Variants in GRID2 observed in about 807,000 individuals in gnomAD.
GRID2 encodes glutamate ionotropic receptor delta type subunit 2, also known as glutamate receptor ionotropic, delta-2.
In GRID2, 33 loss-of-function variants were observed where a neutral mutation model predicts 114.8. The observed-to-expected ratio is 0.29, with a 90% CI of 0.22 to 0.38. GRID2 has a LOEUF of 0.38. Among genes scored for constraint, GRID2 ranks in the 10% least tolerant of loss-of-function variants. GRID2 has a pLI of 1.00. For synonymous variants in GRID2, 505 were observed against 449.9 expected (o/e 1.12, Z -1.55); for missense variants, 1,184 against 1,257.7 (o/e 0.94, Z 0.89).
rs10022405 is a variant in GRID2 at position 93,802,943 on chromosome 4, G to T, written c.222-3772G>T. Among the ~76,000 whole-genome samples, 4 of 152,114 alleles carry T rather than the reference G, an allele frequency of 2.6e-5. No homozygotes were observed. The East Asian group carries it at 7.7e-4, about 29-fold the overall frequency. ...TGATAAACCCCTTGTGCAAAAGATC[G>T]TAAGCGCATTTAGGTGACTGTGTCA... On this transcript the variant is annotated intron_variant, in intron 1 of 1. Transcript: ENST00000637838.
Position 93,110,834 on chromosome 4 carries a change from A to G in GRID2, c.616A>G (p.Lys206Glu). The G allele has an allele frequency of 6.2e-7, 1 of 1,611,472 alleles. No individual in the cohort carries two copies. The highest frequency in any genetic ancestry group is 8.5e-7 in the Non-Finnish European group (1 of 1,177,578). ...TCAGAAGGTAGAAAACAACATCAAT[A>G]AAATGATTACCACTCTCTTTGACAC... ...ALQKVENNIN[K>E]MITTLFDTMR... is the part of the protein sequence containing the mutation. Residue 206 changes from lysine (K) to glutamate (E), a missense_variant, in exon 4 of 16, where the codon AAA becomes GAA. Coordinates refer to ENST00000282020, the MANE Select transcript of GRID2 (RefSeq NM_001510.4).
chr4:93,315,102 A>G (rs931274470), intron 8 of GRID2, among the ~76,000 whole-genome samples: 6 of 152,146 alleles, frequency 3.9e-5, no homozygotes, highest in Admixed American at 2.6e-4. Context: ...GGTGGCATGT[A>G]AGAGAGAGCA....
chr4:92,651,140 C>A (rs1367904547), intron 2 of GRID2, among the ~76,000 whole-genome samples: 1 of 152,042 alleles, frequency 6.6e-6, no homozygotes. Flanking sequence ...TTGGCAGAAA[C>A]ATTGTATGCC....
At chr4:92,377,820 C>T (rs1004101777) in intron 1 of GRID2, among the ~76,000 whole-genome samples, 1 of 152,044 alleles carries the variant, frequency 6.6e-6, no homozygotes, top group Admixed American at 6.6e-5. Flanking sequence ...TTTACTATTA[C>T]AAGAATAGCA....
chr4:92,800,679 C>G (rs1740108553), intron 2 of GRID2, among the ~76,000 whole-genome samples: 1 of 152,034 alleles, frequency 6.6e-6, no homozygotes, highest in Admixed American at 6.6e-5. Flanking sequence ...CGATCTTCAA[C>G]TTCAGTATGG....
intron 13 of GRID2, among the ~76,000 whole-genome samples, chr4:93,529,606 C>A (rs1731250938): frequency 6.6e-6 from 1 of 152,144 alleles, no homozygotes; most frequent in Non-Finnish European, 1.5e-5. Flanking sequence ...GATTTAGGAA[C>A]CCAGGGCTTC....
chr4:92,415,518 T>C (rs1731550749), intron 1 of GRID2, among the ~76,000 whole-genome samples: 1 of 151,432 alleles, frequency 6.6e-6, no homozygotes. Context: ...ATTCTTTAGG[T>C]TTAGCATCCT....
chr4:93,388,554 A>T (rs1260611544), intron 8 of GRID2, among the ~76,000 whole-genome samples: 4 of 152,204 alleles, frequency 2.6e-5, no homozygotes, highest in African/African-American at 9.6e-5. Context: ...AAAGAATGAG[A>T]GGGAAGGCAT....
At chr4:92,766,638 G>C (rs944615761) in intron 2 of GRID2, among the ~76,000 whole-genome samples, 3 of 151,584 alleles carry the variant, frequency 2.0e-5, no homozygotes, top group African/African-American at 7.3e-5. Flanking sequence ...AGACTAGACT[G>C]TCTAAAGGTC....
intron 13 of GRID2, among the ~76,000 whole-genome samples, chr4:93,573,155 T>C (rs1225774450): frequency 6.6e-6 from 1 of 152,164 alleles, no homozygotes; most frequent in Non-Finnish European, 1.5e-5. Context: ...AGGAATGTGT[T>C]CAGTTAACTT....
At chr4:93,292,295 C>A (rs140119350) in intron 8 of GRID2, among the ~76,000 whole-genome samples, 2 of 152,274 alleles carry the variant, frequency 1.3e-5, no homozygotes, top group East Asian at 3.9e-4. Flanking sequence ...CTGTGTCTTG[C>A]ACATTATCTA....
At chr4:93,203,414 C>A (rs1190796521) in intron 4 of GRID2, among the ~76,000 whole-genome samples, 1 of 151,920 alleles carries the variant, frequency 6.6e-6, no homozygotes, top group African/African-American at 2.4e-5. Flanking sequence ...AAAGACAAGA[C>A]ATATCTGTTT....
intron 1 of GRID2, among the ~76,000 whole-genome samples, chr4:93,799,244 G>A (rs1440888585): frequency 6.6e-6 from 1 of 152,126 alleles, no homozygotes; most frequent in Admixed American, 6.5e-5. Flanking sequence ...ATTTATTTAT[G>A]TGACTCTAAA....
intron 2 of GRID2, among the ~76,000 whole-genome samples, chr4:92,844,223 G>A (rs1221050145): frequency 6.6e-6 from 1 of 151,908 alleles, no homozygotes; most frequent in Admixed American, 6.6e-5. Flanking sequence ...TAGATTACTA[G>A]TTTTTCTGTC....
At chr4:93,356,274 A>C (rs1030328961) in intron 8 of GRID2, among the ~76,000 whole-genome samples, 1 of 152,076 alleles carries the variant, frequency 6.6e-6, no homozygotes, top group Non-Finnish European at 1.5e-5. Flanking sequence ...AATACTTAAT[A>C]TGATTCATAA....
chr4:92,588,334 A>G (rs185713979), intron 1 of GRID2, among the ~76,000 whole-genome samples: 4 of 152,108 alleles, frequency 2.6e-5, no homozygotes, highest in Non-Finnish European at 4.4e-5. Flanking sequence ...TATTCTCACT[A>G]GTAAACATCT....
chr4:92,443,242 T>A (rs1733219785), intron 1 of GRID2, among the ~76,000 whole-genome samples: 1 of 152,124 alleles, frequency 6.6e-6, no homozygotes, highest in South Asian at 2.1e-4. Flanking sequence ...ATTATTTAGA[T>A]CTTGCAGGAT....
chr4:93,578,664 G>A (rs1441693758), intron 13 of GRID2, among the ~76,000 whole-genome samples: 1 of 144,982 alleles, frequency 6.9e-6, no homozygotes, highest in Non-Finnish European at 1.5e-5. Flanking sequence ...CTCGATCTTG[G>A]GTCACTGCAA....
At chr4:92,507,310 C>G (rs1195286182) in intron 1 of GRID2, among the ~76,000 whole-genome samples, 1 of 151,824 alleles carries the variant, frequency 6.6e-6, no homozygotes, top group East Asian at 1.9e-4. Flanking sequence ...TGATACACCA[C>G]TTGGATGTCC....
Sources: gnomAD v4.1 joint callset for allele counts (sites outside exome capture counted in the v4.1 genomes callset) on GRCh38, gnomAD v4.1.1 for gene constraint, MANE v1.5 for transcripts, NCBI Gene and HGNC (gene_info 2026-07-23, HGNC 2026-07-21) for gene names.